Variants in ATF2 observed in about 807,000 individuals in gnomAD.
ATF2 encodes the protein activating transcription factor 2, also known as cyclic AMP-dependent transcription factor ATF-2.
A neutral mutation model predicts 60.6 loss-of-function variants in ATF2; 24 were observed. That is an observed-to-expected ratio of 0.40 (90% CI 0.29 to 0.56). The LOEUF is 0.56. Ranked by LOEUF, ATF2 falls within the 20% of genes least tolerant of loss-of-function variation. ATF2 has a pLI of 0.54. For missense variants in ATF2, 433 were observed against 607.7 expected (o/e 0.71, Z 3.02); for synonymous variants, 206 against 215.4 (o/e 0.96, Z 0.38).
chr2:175,088,367 T>C (rs1179613294), intron 12 of ATF2, among the ~76,000 whole-genome samples: 2 of 152,142 alleles, frequency 1.3e-5, no homozygotes, highest in African/African-American at 2.4e-5. Context: ...AAGTGATAAA[T>C]ACTGAAATAA....
chr2:175,081,893 A>G (rs560876318), intron 12 of ATF2, among the ~76,000 whole-genome samples: 15 of 152,282 alleles, frequency 9.9e-5, no homozygotes, highest in Admixed American at 8.5e-4. Flanking sequence ...TCTACAAAAA[A>G]TACAAAAATT....
chr2:175,161,314 G>A (rs985710427), intron 1 of ATF2, among the ~76,000 whole-genome samples: 1 of 152,220 alleles, frequency 6.6e-6, no homozygotes, highest in African/African-American at 2.4e-5. Flanking sequence ...TACAGCACAA[G>A]CATGCCTGGA....
At chr2:175,167,693 T>TCC (rs751905202) in intron 1 of ATF2, 7 of 502,214 alleles carry the variant, frequency 1.4e-5, no homozygotes, top group Non-Finnish European at 4.1e-6. Context: ...CCCGAGGACC[T>TCC]CTGAACTGAC....
intron 1 of ATF2, among the ~76,000 whole-genome samples, chr2:175,162,450 T>C (rs2105369025): frequency 6.6e-6 from 1 of 152,370 alleles, no homozygotes; most frequent in South Asian, 2.1e-4. Flanking sequence ...GGCAAAAATC[T>C]GGCAACTGTA....
intron 11 of ATF2, among the ~76,000 whole-genome samples, chr2:175,096,423 G>A (rs1694941894): frequency 6.6e-6 from 1 of 152,156 alleles, no homozygotes; most frequent in Non-Finnish European, 1.5e-5. Context: ...CTACATATGT[G>A]TGTATATGTG....
rs191459009 is a variant in ATF2, at chr2:175,083,827, G to A, written c.1186-3062C>T. 6.6e-5 allele frequency among the ~76,000 whole-genome samples: 10 copies of A among 152,168 alleles called. No individual in the cohort carries two copies. The East Asian group carries it at 1.9e-3, about 29-fold the overall frequency. ...AAAACAAAGAACCCCATCCAAAACT[G>A]GGCAAAGGATATGAACAGACACTTC... On this transcript the variant is annotated intron_variant, in intron 12 of 13. Coordinates refer to ENST00000264110, the MANE Select transcript of ATF2 (RefSeq NM_001880.4).
At chr2:175,108,878 T>C (rs1187915163) in intron 10 of ATF2, among the ~76,000 whole-genome samples, 2 of 152,140 alleles carry the variant, frequency 1.3e-5, no homozygotes, top group South Asian at 2.1e-4. Context: ...TTACCCCCAA[T>C]CATGTGCTCT....
At position 175,114,881 on chromosome 2, in the gene ATF2, G is replaced by A. The variant is rs377630154; in HGVS notation, c.448-13C>T. ...CCAATGGTACTTCCTATTTAACAAT[G>A]AGATAAAAAAGGGTGGCATTTAAAA... On this transcript the variant is annotated splice_polypyrimidine_tract_variant and intron_variant, in intron 7 of 13. Coordinates refer to ENST00000264110, the MANE Select transcript of ATF2 (RefSeq NM_001880.4). 6.4e-5 allele frequency: 103 copies of A among 1,602,950 alleles called. No individual in the cohort carries two copies. Among genetic ancestry groups the A allele is most frequent in the Non-Finnish European group, 8.4e-5 (98 of 1,172,606 alleles).
intron 2 of ATF2, among the ~76,000 whole-genome samples, chr2:175,141,737 C>T (rs1051809780): frequency 2.6e-5 from 4 of 152,088 alleles, no homozygotes; most frequent in Non-Finnish European, 5.9e-5. Context: ...TCGTGATCCG[C>T]CCGCCTTGGC....
rs1431255656 is a variant in ATF2 at position 175,097,473 on chromosome 2, G to T, written c.949C>A (p.Gln317Lys). ...GTTTCTGTAGTGGATGTGGCTGGCT[G>T]TTGTAATGACTGCGGTCGAGATTCC... ...SEESRPQSLQ[Q>K]PATSTTETPA... is the part of the protein sequence containing the mutation. The change falls in exon 11 of 14, where the codon CAG (glutamine) becomes AAG (lysine). Residue 317 changes from glutamine (Q) to lysine (K), a missense_variant. This residue lies in a region of ATF2 where 246 missense variants were observed against 309.3 expected (regional missense o/e 0.80). Coordinates refer to ENST00000264110, the MANE Select transcript of ATF2 (RefSeq NM_001880.4). The T allele has an allele frequency of 6.2e-7, 1 of 1,614,144 alleles. No individual in the cohort carries two copies. The highest frequency in any genetic ancestry group is 8.5e-7 in the Non-Finnish European group (1 of 1,179,996).
intron 1 of ATF2, among the ~76,000 whole-genome samples, chr2:175,165,330 GAGAA>G (rs749791756): frequency 2.8e-4 from 43 of 152,270 alleles, no homozygotes; most frequent in Middle Eastern, 3.4e-3. Flanking sequence ...GAATAAAAAA[GAGAA>G]AGAAATGCCT....
chr2:175,079,926 T>C (rs796543392), intron 13 of ATF2, among the ~76,000 whole-genome samples: 4 of 152,282 alleles, frequency 2.6e-5, no homozygotes, highest in Admixed American at 6.5e-5. Flanking sequence ...TTGTTACAAA[T>C]TTGTATACTA....
intron 2 of ATF2, among the ~76,000 whole-genome samples, chr2:175,140,037 T>G (rs1019518466): frequency 2.6e-5 from 4 of 152,030 alleles, no homozygotes; most frequent in Non-Finnish European, 4.4e-5. Flanking sequence ...GAGAAAAAAA[T>G]AACAAAATAC....
intron 7 of ATF2, 53 bp downstream of exon 7, chr2:175,117,937 T>C (rs1696696248): frequency 6.6e-7 from 1 of 1,511,200 alleles, no homozygotes; most frequent in Non-Finnish European, 8.9e-7. Context: ...AATAGTAAAC[T>C]TTATTTGGGT....
Position 175,118,433 on chromosome 2 carries a change from ACT to A in ATF2, c.200-66_200-65del. The A allele has an allele frequency of 2.3e-6, 3 of 1,325,018 alleles. No homozygotes were observed. In the South Asian group the frequency reaches 3.9e-5, roughly 17 times the overall value. The allele number at this position is 1,325,018 out of a possible 1,614,324, so 82.1% of individuals were successfully genotyped here. Reference sequence around the variant, plus strand: ...TATGTTAAGACTCTAAAATATAGCTACTAAGTTAACAAATTAGCAGGACTGGT... The same window carrying A: ...TATGTTAAGACTCTAAAATATAGCTAAAGTTAACAAATTAGCAGGACTGGT... On this transcript the variant is annotated intron_variant, in intron 5 of 13. Transcript: ENST00000264110.
At chr2:175,153,984 C>T (rs1348940862) in intron 1 of ATF2, among the ~76,000 whole-genome samples, 1 of 151,652 alleles carries the variant, frequency 6.6e-6, no homozygotes, top group East Asian at 1.9e-4. Flanking sequence ...CTTTGGGAAA[C>T]CGAGGTGGGC....
chr2:175,159,502 C>T (rs527472279), intron 1 of ATF2, among the ~76,000 whole-genome samples: 1 of 152,158 alleles, frequency 6.6e-6, no homozygotes, highest in Non-Finnish European at 1.5e-5. Flanking sequence ...TCACAGCAGA[C>T]ATGAGAGAGG....
At position 175,117,997 on chromosome 2, in the gene ATF2, T is replaced by A. The variant is rs1574412697; in HGVS notation, c.440A>T (p.Asp147Val). 1.9e-6 allele frequency: 3 copies of A among 1,599,766 alleles called. No individual in the cohort carries two copies. Among genetic ancestry groups the A allele is most frequent in the Non-Finnish European group, 2.6e-6 (3 of 1,175,248 alleles). ...TTTCTAAAAATTTCTAACCTTCTCA[T>A]CACTGGTAGTAGACTCTGGGTGAGG... ...PLPHPESTTSDEKEVPLAQTA... is the reference protein window; with the variant it reads ...PLPHPESTTSVEKEVPLAQTA... The change falls in exon 7 of 14, where the codon GAT becomes GTT. Residue 147 changes from aspartate to valine, a missense_variant. Transcript: ENST00000264110.
chr2:175,133,422 G>A (rs1559099023), intron 3 of ATF2, among the ~76,000 whole-genome samples: 1 of 152,118 alleles, frequency 6.6e-6, no homozygotes, highest in Non-Finnish European at 1.5e-5. Flanking sequence ...ATTGGTTCTA[G>A]AAATTTTATA....
Sources: gnomAD v4.1 joint callset for allele counts (sites outside exome capture counted in the v4.1 genomes callset) on GRCh38, gnomAD v4.1.1 for gene constraint, gnomAD v4.1.1 regional missense constraint, MANE v1.5 for transcripts, NCBI Gene and HGNC (gene_info 2026-07-23, HGNC 2026-07-21) for gene names.